Variants in BCL7C observed in about 807,000 individuals in gnomAD.
The protein encoded by BCL7C is BAF chromatin remodeling complex subunit BCL7C, also known as B-cell CLL/lymphoma 7 protein family member C.
Under a neutral mutation model 26.2 loss-of-function variants are expected in BCL7C, and 8 were observed. The observed-to-expected ratio is 0.30, with a 90% confidence interval of 0.18 to 0.55. BCL7C has a LOEUF of 0.55. Among genes scored for constraint, BCL7C ranks in the 20% least tolerant of loss-of-function variants. BCL7C has a pLI of 0.93. For missense variants in BCL7C, 262 were observed against 298.5 expected, an observed-to-expected ratio of 0.88 and a Z score of 0.90; for synonymous variants, 90 against 116.5, an observed-to-expected ratio of 0.77 and a Z score of 1.47.
chr16:30,881,424 A>G (rs1411704829), intron 5 of BCL7C, among the ~76,000 whole-genome samples: 1 of 151,660 alleles, frequency 6.6e-6, no homozygotes, highest in Non-Finnish European at 1.5e-5. Context: ...ACACACACAC[A>G]CAACAAAAAA....
intron 5 of BCL7C, among the ~76,000 whole-genome samples, chr16:30,854,526 T>C (rs1302938467): frequency 1.3e-5 from 2 of 152,158 alleles, no homozygotes; most frequent in South Asian, 2.1e-4. Flanking sequence ...AAACCTGGCA[T>C]TGACTTGGCC....
At chr16:30,855,663 G>A (rs1398113204) in intron 5 of BCL7C, among the ~76,000 whole-genome samples, 1 of 152,168 alleles carries the variant, frequency 6.6e-6, no homozygotes, top group Non-Finnish European at 1.5e-5. Flanking sequence ...GGTGGCTCAT[G>A]TCTGTAATCC....
At chr16:30,883,908 G>A (rs190553664), downstream of BCL7C, among the ~76,000 whole-genome samples, 210 of 146,054 alleles carry the variant, frequency 1.4e-3, 2 homozygotes, top group South Asian at 2.9e-3. Context: ...GGCGGATCAC[G>A]AGATCAGGAG....
At chr16:30,868,833 G>A (rs2054855799) in intron 5 of BCL7C, among the ~76,000 whole-genome samples, 3 of 150,548 alleles carry the variant, frequency 2.0e-5, no homozygotes. Flanking sequence ...GAACAGAACG[G>A]AAAAGAAAAA....
intron 5 of BCL7C, among the ~76,000 whole-genome samples, chr16:30,880,578 C>T (rs926860935): frequency 8.0e-5 from 12 of 150,864 alleles, no homozygotes; most frequent in African/African-American, 2.9e-4. Context: ...CAGCGGTTGA[C>T]TCTGGGGAGT....
intron 5 of BCL7C, among the ~76,000 whole-genome samples, chr16:30,848,706 A>G (rs1021500959): frequency 9.2e-5 from 14 of 151,990 alleles, no homozygotes; most frequent in African/African-American, 3.1e-4. Flanking sequence ...CCTGGCCAAC[A>G]TGGTGAAACT....
chr16:30,865,619 C>A (rs1468220032), intron 5 of BCL7C, among the ~76,000 whole-genome samples: 2 of 151,626 alleles, frequency 1.3e-5, no homozygotes, highest in African/African-American at 4.8e-5. Context: ...AACACCAATT[C>A]AAGGTACTGG....
At chr16:30,845,337 G>A (rs2054627483) in intron 5 of BCL7C, among the ~76,000 whole-genome samples, 1 of 152,190 alleles carries the variant, frequency 6.6e-6, no homozygotes, top group Non-Finnish European at 1.5e-5. Context: ...TCCTGTATGG[G>A]TAGAGCTTCC....
rs2055278880 is a variant in BCL7C, at chr16:30,893,045, G to C, written c.172-97C>G. 3 of 1,315,224 alleles carry C rather than the reference G, an allele frequency of 2.3e-6. No homozygotes were observed. Among genetic ancestry groups the C allele is most frequent in the Non-Finnish European group, 3.2e-6 (3 of 938,288 alleles). The allele number at this position is 1,315,224 out of a possible 1,614,324, so 81.5% of individuals were successfully genotyped here. A position where few individuals can be genotyped will look rare whatever the true frequency, so the allele number is the denominator to read the frequency against. On this transcript the variant is annotated intron_variant, in intron 2 of 5. Coordinates refer to ENST00000215115, the MANE Select transcript of BCL7C (RefSeq NM_004765.4). This position sits in a 1 kb window ranked among gnomAD's most constrained non-coding sequence, Gnocchi z 5.2. ...AGAAGCAAAAGGGCTCAAACTCAGG[G>C]GGTGTGGAGCAGAAAAGAGGGCAAA...
intron 5 of BCL7C, among the ~76,000 whole-genome samples, chr16:30,871,003 C>T (rs183432443): frequency 2.0e-5 from 3 of 152,292 alleles, no homozygotes; most frequent in African/African-American, 7.2e-5. Flanking sequence ...TGTAAATGTA[C>T]CCAGCCCAGT....
At chr16:30,856,649 T>A (rs981197016) in intron 5 of BCL7C, among the ~76,000 whole-genome samples, 2 of 152,166 alleles carry the variant, frequency 1.3e-5, no homozygotes, top group Admixed American at 6.6e-5. Flanking sequence ...CAGCTAATGA[T>A]TGGACAGAGA....
At chr16:30,837,030 G>A (rs1381769351) in intron 5 of BCL7C, among the ~76,000 whole-genome samples, 5 of 151,590 alleles carry the variant, frequency 3.3e-5, no homozygotes, top group African/African-American at 4.8e-5. Context: ...TCCTGACCTC[G>A]TGATCCACCT....
intron 5 of BCL7C, among the ~76,000 whole-genome samples, chr16:30,878,546 A>T (rs1254732066): frequency 7.0e-6 from 1 of 143,282 alleles, no homozygotes; most frequent in African/African-American, 2.6e-5. Flanking sequence ...TTCAAAAAAA[A>T]CAAAAATGTC....
chr16:30,860,398 T>G (rs940919808), intron 5 of BCL7C, among the ~76,000 whole-genome samples: 14 of 152,184 alleles, frequency 9.2e-5, no homozygotes, highest in African/African-American at 3.4e-4. Context: ...CACCACTCCA[T>G]GTCTCTACCT....
intron 5 of BCL7C, among the ~76,000 whole-genome samples, chr16:30,856,060 TAAAAAAA>T (rs758984617): frequency 5.1e-5 from 5 of 97,414 alleles, no homozygotes; most frequent in Non-Finnish European, 1.1e-4. Context: ...AGACTCCATC[TAAAAAAA>T]AAAAAAAAAA....
At chr16:30,864,183 T>A (rs966877269) in intron 5 of BCL7C, among the ~76,000 whole-genome samples, 2 of 152,034 alleles carry the variant, frequency 1.3e-5, no homozygotes, top group African/African-American at 2.4e-5. Flanking sequence ...AAATGAAGAG[T>A]GTTGTTTTTT....
At chr16:30,880,232 C>A (rs896669632) in intron 5 of BCL7C, among the ~76,000 whole-genome samples, 1 of 151,958 alleles carries the variant, frequency 6.6e-6, no homozygotes, top group Non-Finnish European at 1.5e-5. Context: ...ACCTGTAATC[C>A]CAGCACTTTG....
chr16:30,866,970 C>CT (rs2054835132), intron 5 of BCL7C, among the ~76,000 whole-genome samples: 1 of 152,210 alleles, frequency 6.6e-6, no homozygotes, highest in African/African-American at 2.4e-5. Context: ...TGGAGGATCA[C>CT]TTGAGCCCAG....
At chr16:30,833,717 T>C (rs1446500679) in exon 6 of BCL7C, 10 of 152,232 alleles carry the variant, frequency 6.6e-5, no homozygotes, top group Admixed American at 6.5e-4. Context: ...AAGCATTGGC[T>C]TGAAGCGTGA....
Sources: allele counts gnomAD v4.1 joint callset (sites outside exome capture counted in the v4.1 genomes callset), GRCh38; gene constraint gnomAD v4.1.1; non-coding constraint Gnocchi (gnomAD v3.1); transcripts MANE v1.5; gene names NCBI Gene and HGNC (gene_info 2026-07-23, HGNC 2026-07-21).